Variants in POTEJ observed in about 807,000 individuals in gnomAD.
POTEJ encodes the protein POTE ankyrin domain family member J, also known as POTE ankyrin domain family, member J.
POTEJ carries 11 observed loss-of-function variants against 69.0 expected under a neutral mutation model. That is an observed-to-expected ratio of 0.16 (90% CI 0.10 to 0.26). The LOEUF (loss-of-function observed/expected upper bound fraction) is 0.26, where lower values mean the gene tolerates loss of function less well. Ranked by LOEUF, POTEJ falls within the 10% of genes least tolerant of loss-of-function variation. POTEJ has a pLI of 1.00. For missense variants in POTEJ, 327 were observed against 1,045.5 expected (o/e 0.31, Z 9.48); for synonymous variants, 117 against 381.1 (o/e 0.31, Z 8.07).
At chr2:130,633,018 T>C (rs1382267385) in intron 9 of POTEJ, among the ~76,000 whole-genome samples, 2 of 146,414 alleles carry the variant, frequency 1.4e-5, no homozygotes, top group Non-Finnish European at 1.5e-5. Flanking sequence ...CAAAAGTTAG[T>C]TTTTTGGTCA....
intron 11 of POTEJ, among the ~76,000 whole-genome samples, chr2:130,644,474 A>AT (rs1686512590): frequency 6.6e-6 from 1 of 151,960 alleles, no homozygotes; most frequent in African/African-American, 2.4e-5. Flanking sequence ...ATCTGAAAAA[A>AT]ATATATATAT....
intron 14 of POTEJ, among the ~76,000 whole-genome samples, chr2:130,655,377 A>C (rs1430982426): frequency 6.6e-6 from 1 of 152,214 alleles, no homozygotes; most frequent in Non-Finnish European, 1.5e-5. Flanking sequence ...TTTTTAAAAA[A>C]TGTTAATAGA....
chr2:130,658,015 TAAA>T lies in POTEJ; in HGVS notation c.*141_*143del. The stretch of plus-strand genomic sequence containing the variant: ...TTTTTTATTGGCTTGACTCAGGATT[TAAA>T]AACCGGAATGGTGAAGGTGACAGCA... On this transcript the variant is annotated 3_prime_UTR_variant, in exon 15 of 15. Coordinates refer to ENST00000409602, the MANE Select transcript of POTEJ (RefSeq NM_001277083.2). 1.9e-6 allele frequency: 1 copy of T among 521,366 alleles called. No homozygotes were observed. The highest frequency in any genetic ancestry group is 3.0e-5 in the East Asian group (1 of 33,896). 32.3% of individuals were successfully genotyped at this position (521,366 alleles called of 1,614,324 possible).
chr2:130,626,671 A>G (rs548534553), intron 6 of POTEJ, among the ~76,000 whole-genome samples: 140 of 152,266 alleles, frequency 9.2e-4, no homozygotes, highest in Non-Finnish European at 1.6e-3. Flanking sequence ...TACCCTGTAA[A>G]GAAACCAGGA....
At chr2:130,614,825 T>C (rs1475517590) in intron 1 of POTEJ, among the ~76,000 whole-genome samples, 4 of 64,602 alleles carry the variant, frequency 6.2e-5, no homozygotes, top group African/African-American at 3.3e-4. Context: ...CTATTTTCTG[T>C]GAACTTTTAC....
At chr2:130,614,717 A>G (rs1685364841) in intron 1 of POTEJ, among the ~76,000 whole-genome samples, 2 of 120,710 alleles carry the variant, frequency 1.7e-5, no homozygotes, top group South Asian at 5.1e-4. Context: ...AAGGTTCATT[A>G]CTAATGCAAT....
At chr2:130,625,069 A>C (rs1172079775) in intron 6 of POTEJ, among the ~76,000 whole-genome samples, 1 of 152,162 alleles carries the variant, frequency 6.6e-6, no homozygotes, top group Non-Finnish European at 1.5e-5. Flanking sequence ...CACCTAATAC[A>C]TTATATAGTC....
intron 4 of POTEJ, among the ~76,000 whole-genome samples, 165 bp from the exon 5 acceptor site, chr2:130,621,301 T>G (rs1383492227): frequency 3.2e-4 from 49 of 152,046 alleles, no homozygotes; most frequent in Non-Finnish European, 5.6e-4. Flanking sequence ...TTTTAACCTT[T>G]GTGGTATTTT....
chr2:130,644,474 A>AATAT (rs778514105), intron 11 of POTEJ, among the ~76,000 whole-genome samples: 1 of 151,960 alleles, frequency 6.6e-6, no homozygotes, highest in Non-Finnish European at 1.5e-5. Flanking sequence ...ATCTGAAAAA[A>AATAT]ATATATATAT....
intron 9 of POTEJ, among the ~76,000 whole-genome samples, chr2:130,633,871 CAA>C (rs1388592188): frequency 6.8e-6 from 1 of 147,700 alleles, no homozygotes; most frequent in African/African-American, 2.5e-5. Context: ...GCTTTTTCTG[CAA>C]AGAGCCAGTT....
chr2:130,650,355 TCTC>T (rs1402061753), intron 13 of POTEJ, among the ~76,000 whole-genome samples: 1 of 152,264 alleles, frequency 6.6e-6, no homozygotes, highest in Non-Finnish European at 1.5e-5. Context: ...CTTTAGTTTT[TCTC>T]CTCTAACGTA....
intron 13 of POTEJ, among the ~76,000 whole-genome samples, chr2:130,647,180 C>T (rs1686611752): frequency 6.6e-6 from 1 of 151,106 alleles, no homozygotes; most frequent in East Asian, 1.9e-4. Context: ...CTGATTATTT[C>T]ACAATTAAAA....
chr2:130,611,731 C>CA lies in POTEJ; in HGVS notation c.200dup (p.His67GlnfsTer48), dbSNP rs1347465699. On this transcript the variant is annotated frameshift_variant, in exon 1 of 15. Coordinates refer to ENST00000409602, the MANE Select transcript of POTEJ (RefSeq NM_001277083.2). LOFTEE classifies it high-confidence loss of function. ...GAGCAAGATGGGCAAGTGGTGCTGC[C>CA]ACTGCTTCCCCTGCTGCAGGGGGAG... 3.2e-6 allele frequency: 5 copies of CA among 1,567,266 alleles called. No individual in the cohort carries two copies. The highest frequency in any genetic ancestry group is 4.3e-6 in the Non-Finnish European group (5 of 1,150,338).
At chr2:130,646,060 G>A in intron 12 of POTEJ, 69 bp from the exon 13 acceptor site, 1 of 1,386,698 alleles carries the variant, frequency 7.2e-7, no homozygotes. Flanking sequence ...TATCTTTCTT[G>A]GTTTTAGTCT....
intron 1 of POTEJ, among the ~76,000 whole-genome samples, chr2:130,613,113 A>G (rs1685273304): frequency 1.4e-5 from 2 of 141,388 alleles, no homozygotes; most frequent in Non-Finnish European, 3.0e-5. Context: ...TCATTTTTGG[A>G]GAAAACTAGC....
At chr2:130,642,079 T>C (rs1316539146) in intron 10 of POTEJ, among the ~76,000 whole-genome samples, 2 of 150,636 alleles carry the variant, frequency 1.3e-5, no homozygotes, top group African/African-American at 2.5e-5. Context: ...CTTGGCTTCA[T>C]GTCATAGTTC....
chr2:130,633,097 A>G (rs962533581), intron 9 of POTEJ, among the ~76,000 whole-genome samples: 3 of 144,634 alleles, frequency 2.1e-5, no homozygotes, highest in Admixed American at 1.4e-4. Context: ...TGTGTCCATG[A>G]GTTCTCATTA....
chr2:130,614,914 T>C (rs1317976077), intron 1 of POTEJ, among the ~76,000 whole-genome samples: 1 of 33,628 alleles, frequency 3.0e-5, no homozygotes, highest in Non-Finnish European at 5.6e-5. Context: ...ATAATTATCT[T>C]TTCATTATAT....
chr2:130,656,994 T>C lies in POTEJ; in HGVS notation c.2234T>C (p.Met745Thr). 1 of 1,583,548 alleles carries C rather than the reference T, an allele frequency of 6.3e-7. No individual in the cohort carries two copies. Among genetic ancestry groups the C allele is most frequent in the Non-Finnish European group, 8.6e-7 (1 of 1,158,002 alleles). Reference sequence around the variant, plus strand: ...GGCATCATCACCAACTGGGATGACATGGAGAAGATCTGGCACCACACCTTC... The same window carrying C: ...GGCATCATCACCAACTGGGATGACACGGAGAAGATCTGGCACCACACCTTC... ...EHGIITNWDD[M>T]EKIWHHTFYN... Residue 745 changes from methionine to threonine, a missense_variant, in exon 15 of 15, where the codon ATG (methionine) becomes ACG (threonine). Transcript: ENST00000409602.
Sources: allele counts gnomAD v4.1 joint callset (sites outside exome capture counted in the v4.1 genomes callset), GRCh38; gene constraint gnomAD v4.1.1; transcripts MANE v1.5; gene names NCBI Gene and HGNC (gene_info 2026-07-23, HGNC 2026-07-21).